Variants in JAK1 observed in about 807,000 individuals in gnomAD.
JAK1 encodes tyrosine-protein kinase JAK1.
In JAK1, 16 loss-of-function variants were observed where a neutral mutation model predicts 136.6. The ratio of observed to expected loss-of-function variants is 0.12; its 90% CI spans 0.08 to 0.18. The LOEUF (loss-of-function observed/expected upper bound fraction) is 0.18, where lower values mean the gene tolerates loss of function less well. Ranked by LOEUF, JAK1 falls within the 10% of genes least tolerant of loss-of-function variation. JAK1 has a pLI of 1.00. For missense variants in JAK1, 859 were observed against 1,450.1 expected (o/e 0.59, Z 6.62); for synonymous variants, 492 against 519.5 (o/e 0.95, Z 0.72).
In JAK1 at chr1:64,984,417, G is replaced by A. The variant is rs143234749; in HGVS notation, c.-78+60063C>T. Among the ~76,000 whole-genome samples the A allele has an allele frequency of 5.0e-4, 76 of 152,322 alleles. No homozygotes were observed. Among genetic ancestry groups the A allele is most frequent in the African/African-American group, 1.7e-3 (69 of 41,578 alleles). On this transcript the variant is annotated intron_variant, in intron 2 of 25. Transcript: ENST00000671954. This position sits in a 1 kb window ranked among gnomAD's most constrained non-coding sequence, Gnocchi z 4.1. The stretch of plus-strand genomic sequence containing the variant: ...AGGTTCACTTGGTCTCTCCTACGCA[G>A]AAGAGAATGTCCAAGAAATGAAATA...
intron 1 of JAK1, among the ~76,000 whole-genome samples, chr1:64,914,454 G>T (rs141703235): frequency 1.2e-4 from 18 of 152,296 alleles, no homozygotes; most frequent in African/African-American, 4.1e-4. Flanking sequence ...CCAAAACAAC[G>T]AAATAAACAG....
At chr1:65,031,050 A>C (rs1048317645) in intron 2 of JAK1, among the ~76,000 whole-genome samples, 3 of 148,914 alleles carry the variant, frequency 2.0e-5, no homozygotes, top group African/African-American at 7.4e-5. Context: ...GCTACTCAGT[A>C]GGCTGAGGTG....
At chr1:64,986,456 C>A (rs1425673176) in intron 2 of JAK1, among the ~76,000 whole-genome samples, 1 of 151,974 alleles carries the variant, frequency 6.6e-6, no homozygotes, top group Admixed American at 6.6e-5. Flanking sequence ...GAGTGTGATT[C>A]CAGAGACACC....
At chr1:65,057,926 A>C (rs1481365467) in intron 1 of JAK1, 1 of 153,170 alleles carries the variant, frequency 6.5e-6, no homozygotes, top group Admixed American at 6.5e-5. Flanking sequence ...CTACTCCTTC[A>C]AGACAAAGAT....
rs1296255068 is a variant in JAK1 at position 64,869,585 on chromosome 1, C to A, written c.484-111G>T. ...AACGCAGCACAGCAACGAGACGAAT[C>A]AGATTGGCAGTTTCTCTAGCATCAG... is the stretch of plus-strand genomic sequence containing the variant. On this transcript the variant is annotated intron_variant, in intron 5 of 24. Coordinates refer to ENST00000342505, the MANE Select transcript of JAK1 (RefSeq NM_002227.4). 3 of 792,754 alleles carry A rather than the reference C, an allele frequency of 3.8e-6. 1 individual carries two copies. Among genetic ancestry groups the A allele is most frequent in the East Asian group, 4.9e-5 (2 of 40,536 alleles). The allele number at this position is 792,754 out of a possible 1,614,324, so 49.1% of individuals were successfully genotyped here.
chr1:64,895,596 T>C (rs1360234328), intron 1 of JAK1, among the ~76,000 whole-genome samples: 1 of 152,228 alleles, frequency 6.6e-6, no homozygotes, highest in African/African-American at 2.4e-5. Context: ...TCACAATGTA[T>C]AGCCTATGAT....
chr1:64,891,675 A>G (rs1324457221), intron 1 of JAK1, among the ~76,000 whole-genome samples: 2 of 152,240 alleles, frequency 1.3e-5, no homozygotes, highest in African/African-American at 4.8e-5. Context: ...CCCCACTGCT[A>G]TGCTGAGACG....
At chr1:64,914,030 C>A (rs1258540155) in intron 1 of JAK1, among the ~76,000 whole-genome samples, 1 of 152,102 alleles carries the variant, frequency 6.6e-6, no homozygotes, top group East Asian at 1.9e-4. Context: ...GTGGTCAACC[C>A]TCTAGACCAT....
intron 19 of JAK1, among the ~76,000 whole-genome samples, chr1:64,840,318 G>A (rs1195895307): frequency 6.6e-6 from 1 of 152,124 alleles, no homozygotes; most frequent in African/African-American, 2.4e-5. Context: ...GGGAACTAAG[G>A]ATGCCATGCT....
chr1:64,860,305 A>G, intron 8 of JAK1, 43 bp from the exon 9 acceptor site: 3 of 1,544,364 alleles, frequency 1.9e-6, no homozygotes, highest in Non-Finnish European at 2.6e-6. Flanking sequence ...TCATGTCTCT[A>G]TCAGCTTAAG....
chr1:64,851,571 T>C (rs1655598497), intron 11 of JAK1, among the ~76,000 whole-genome samples: 2 of 152,192 alleles, frequency 1.3e-5, no homozygotes, highest in Admixed American at 6.5e-5. Flanking sequence ...CCCCTCAATA[T>C]GCAGGTTTAA....
chr1:64,989,369 A>T (rs980619918), intron 2 of JAK1: 2 of 149,638 alleles, frequency 1.3e-5, no homozygotes, highest in Non-Finnish European at 3.0e-5. Flanking sequence ...ATAAATAAAT[A>T]AAATAAACTC....
intron 1 of JAK1, among the ~76,000 whole-genome samples, chr1:64,934,683 G>A (rs1215961762): frequency 1.3e-5 from 2 of 152,312 alleles, no homozygotes; most frequent in East Asian, 3.9e-4. Flanking sequence ...GTCCAGGTCA[G>A]ATGCCTCATC....
chr1:65,002,907 C>A (rs1340966313), intron 2 of JAK1, among the ~76,000 whole-genome samples: 1 of 152,190 alleles, frequency 6.6e-6, no homozygotes, highest in Non-Finnish European at 1.5e-5. Context: ...CTGCTCCTTC[C>A]AGGTCCCGGC....
At chr1:64,848,846 A>C (rs1030984072) in intron 12 of JAK1, among the ~76,000 whole-genome samples, 1 of 152,170 alleles carries the variant, frequency 6.6e-6, no homozygotes, top group Non-Finnish European at 1.5e-5. Flanking sequence ...ACCATTGTTA[A>C]TCAGGTATAT....
chr1:64,927,519 C>A (rs1214260607), intron 1 of JAK1, among the ~76,000 whole-genome samples: 1 of 152,152 alleles, frequency 6.6e-6, no homozygotes, highest in Non-Finnish European at 1.5e-5. Flanking sequence ...AAACTTCAAA[C>A]CCAGATTTGA....
At chr1:65,050,758 G>A (rs146115991) in intron 1 of JAK1, among the ~76,000 whole-genome samples, 1 of 152,128 alleles carries the variant, frequency 6.6e-6, no homozygotes. Flanking sequence ...CACATGCTGG[G>A]TCTAACTCTG....
intron 1 of JAK1, among the ~76,000 whole-genome samples, chr1:64,912,508 CTA>C (rs1332869125): frequency 2.0e-5 from 3 of 152,206 alleles, no homozygotes; most frequent in Non-Finnish European, 4.4e-5. Flanking sequence ...CTAAACTAGT[CTA>C]TGTCAAAAGA....
intron 11 of JAK1, among the ~76,000 whole-genome samples, chr1:64,852,900 T>C (rs928359459): frequency 6.6e-6 from 1 of 152,200 alleles, no homozygotes; most frequent in African/African-American, 2.4e-5. Context: ...ACTGTCATCA[T>C]TCTTCCTGTA....
Sources: allele counts gnomAD v4.1 joint callset (sites outside exome capture counted in the v4.1 genomes callset), GRCh38; gene constraint gnomAD v4.1.1; non-coding constraint Gnocchi (gnomAD v3.1); transcripts MANE v1.5; gene names NCBI Gene and HGNC (gene_info 2026-07-23, HGNC 2026-07-21).